Variants in OTOG observed in about 807,000 individuals in gnomAD.
OTOG encodes otogelin.
A neutral mutation model predicts 313.8 loss-of-function variants in OTOG; 296 were observed. The ratio of observed to expected loss-of-function variants is 0.94; its 90% CI spans 0.86 to 1.04. The LOEUF is 1.04. OTOG is among the 50% of genes least tolerant of loss of function. OTOG has a pLI of 0.00. For missense variants in OTOG, 3,948 were observed against 3,840.1 expected, an observed-to-expected ratio of 1.03 and a Z score of -0.74; for synonymous variants, 1,533 against 1,554.9, an observed-to-expected ratio of 0.99 and a Z score of 0.33.
Position 17,596,905 on chromosome 11 carries a change from C to A in OTOG, c.3580C>A (p.Gln1194Lys), listed in dbSNP as rs1464963076. Residue 1194 changes from glutamine to lysine, a missense_variant, in exon 30 of 56, where the codon CAG becomes AAG. Gln to Lys is a moderately conservative substitution (Grantham distance 53). Transcript: ENST00000399397. ...NCLTDTCGCS[Q>K]GGDCECFCAS... is the part of the protein sequence containing the mutation. ...CCTGACAGACACATGTGGCTGCAGC[C>A]AGGGTGGTGACTGTGAGTGCTTCTG... 1.3e-6 allele frequency: 2 copies of A among 1,550,874 alleles called. No homozygotes were observed. The highest frequency in any genetic ancestry group is 1.7e-6 in the Non-Finnish European group (2 of 1,147,080).
chr11:17,581,327 A>G (rs766903382), intron 23 of OTOG, among the ~76,000 whole-genome samples: 5 of 152,186 alleles, frequency 3.3e-5, no homozygotes, highest in Non-Finnish European at 5.9e-5. Context: ...GAGTTTCAAG[A>G]GAAACCAAAT....
intron 31 of OTOG, 113 bp from the exon 32 acceptor site, chr11:17,602,097 T>C: frequency 1.7e-6 from 2 of 1,178,886 alleles, no homozygotes; most frequent in Non-Finnish European, 2.4e-6. Context: ...CCATCAAGAG[T>C]TCCTCCTTGG....
At chr11:17,554,508 A>G (rs910720942) in intron 6 of OTOG, among the ~76,000 whole-genome samples, 1 of 152,226 alleles carries the variant, frequency 6.6e-6, no homozygotes, top group Non-Finnish European at 1.5e-5. Context: ...CCTGGAGGAA[A>G]GTCTCTTTGG....
Position 17,578,404 on chromosome 11 carries a change from G to T in OTOG, c.2637G>T (p.Val879=). 6.5e-7 allele frequency: 1 copy of T among 1,535,992 alleles called. No homozygotes were observed. The highest frequency in any genetic ancestry group is 8.7e-7 in the Non-Finnish European group (1 of 1,144,190). ...AAACPAGQVF[V]NCSDLHTDLE... is the part of the protein sequence containing the mutation. ...CCTGCCCAGCAGGCCAGGTCTTCGT[G>T]AACTGCAGCGACCTGCACACGGACC... The change falls in exon 23 of 56, where the codon GTG becomes GTT. Residue 879 remains valine (V), a synonymous_variant. Coordinates refer to ENST00000399397, the MANE Select transcript of OTOG (RefSeq NM_001292063.2).
At chr11:17,638,640 T>C in intron 48 of OTOG, 91 bp downstream of exon 48, 1 of 1,481,454 alleles carries the variant, frequency 6.8e-7, no homozygotes, top group Non-Finnish European at 9.2e-7. Context: ...CACCGTCCAC[T>C]CCTCTCAGAT....
At chr11:17,587,465 C>G (rs777335449) in intron 24 of OTOG, among the ~76,000 whole-genome samples, 1 of 152,146 alleles carries the variant, frequency 6.6e-6, no homozygotes, top group African/African-American at 2.4e-5. Flanking sequence ...GCAGGAAGCC[C>G]CTGGCACTGG....
rs952582240 is a variant in OTOG, at chr11:17,558,598, G to A, written c.1057G>A (p.Val353Ile). 30 of 1,550,290 alleles carry A rather than the reference G, an allele frequency of 1.9e-5. No homozygotes were observed. The highest frequency in any genetic ancestry group is 4.1e-5 in the African/African-American group (3 of 73,068). ...RPPFDACHAY[V>I]SPLPFTASCT... is the part of the protein sequence containing the mutation. ...CCCCTTTGACGCCTGCCACGCCTACGTCAGCCCTCTGCCCTTCACAGCCAG... is the reference window on the plus strand; with the variant it reads ...CCCCTTTGACGCCTGCCACGCCTACATCAGCCCTCTGCCCTTCACAGCCAG... The change falls in exon 10 of 56, where the codon GTC becomes ATC. Residue 353 changes from valine to isoleucine, a missense_variant. Coordinates refer to ENST00000399397, the MANE Select transcript of OTOG (RefSeq NM_001292063.2).
intron 17 of OTOG, chr11:17,570,593 C>T (rs1023791995): frequency 5.7e-5 from 29 of 513,148 alleles, no homozygotes; most frequent in African/African-American, 5.6e-4. Flanking sequence ...GGAATCACCT[C>T]AGGAGCTTGT....
rs574598255 is a variant in OTOG, at chr11:17,557,788, A to G, written c.866-397A>G. 3.1e-3 allele frequency among the ~76,000 whole-genome samples: 467 copies of G among 152,164 alleles called. 1 individual carries two copies. The highest frequency in any genetic ancestry group is 0.02 in the Middle Eastern group (6 of 294). On this transcript the variant is annotated intron_variant, in intron 8 of 55. Coordinates refer to ENST00000399397, the MANE Select transcript of OTOG (RefSeq NM_001292063.2). ...TTTGAGCACCTACACCATACTAAAC[A>G]CTTTACATGCATCATCTCAAGTAGT...
Position 17,557,305 on chromosome 11 carries a change from G to A in OTOG, c.847G>A (p.Asp283Asn). 1 of 1,549,618 alleles carries A rather than the reference G, an allele frequency of 6.5e-7. No individual in the cohort carries two copies. The highest frequency in any genetic ancestry group is 1.2e-5 in the South Asian group (1 of 84,032). Residue 283 changes from aspartate (D) to asparagine (N), a missense_variant, in exon 8 of 56, where the codon GAT becomes AAT. Asp to Asn is a conservative substitution (Grantham distance 23). Coordinates refer to ENST00000399397, the MANE Select transcript of OTOG (RefSeq NM_001292063.2). ...CGNNNADPKD[D>N]LVTSSGKLTD... ...GAACAACAATGCTGACCCCAAGGAT[G>A]ATCTGGTGACCAGCTCTGGTGAGGG...
At chr11:17,631,513 C>T (rs930537306) in intron 40 of OTOG, among the ~76,000 whole-genome samples, 189 bp from the exon 41 acceptor site, 1 of 152,048 alleles carries the variant, frequency 6.6e-6, no homozygotes, top group African/African-American at 2.4e-5. Context: ...TGTGTATTTC[C>T]TAAGTACAAA....
chr11:17,596,778 G>A (rs183182785), intron 29 of OTOG, 73 bp from the exon 30 acceptor site: 30 of 1,373,260 alleles, frequency 2.2e-5, no homozygotes, highest in Admixed American at 6.1e-5. Flanking sequence ...GGTGCTGGTC[G>A]TCATCAGCTG....
intron 19 of OTOG, 81 bp from the exon 20 acceptor site, chr11:17,574,639 C>A: frequency 1.5e-6 from 2 of 1,337,762 alleles, no homozygotes; most frequent in Non-Finnish European, 2.0e-6. Context: ...TCTCCATTCT[C>A]CTCATCAGAA....
intron 39 of OTOG, among the ~76,000 whole-genome samples, chr11:17,623,332 G>T (rs975281539): frequency 1.1e-4 from 17 of 152,018 alleles, no homozygotes; most frequent in African/African-American, 4.1e-4. Flanking sequence ...AGTATCTGTT[G>T]TTCCCCTCTA....
chr11:17,638,578 G>T (rs577633321), intron 48 of OTOG, 29 bp downstream of exon 48: 13 of 1,541,530 alleles, frequency 8.4e-6, no homozygotes, highest in African/African-American at 1.4e-5. Flanking sequence ...CAGCCTCCCC[G>T]CTGGGAGATC....
At position 17,560,833 on chromosome 11, in the gene OTOG, C is replaced by T. The variant is rs532715868; in HGVS notation, c.1451+16C>T. 91 of 1,542,424 alleles carry T rather than the reference C, an allele frequency of 5.9e-5. No homozygotes were observed. In the African/African-American group the frequency reaches 7.1e-4, roughly 12 times the overall value. On this transcript the variant is annotated intron_variant, in intron 13 of 55. Coordinates refer to ENST00000399397, the MANE Select transcript of OTOG (RefSeq NM_001292063.2). ...GCAATACTTGGTCTGTGTCTGCTGC[C>T]GGGAAGCAGGGTGTGGGGCATGGCC...
At chr11:17,638,774 C>G in intron 48 of OTOG, 1 of 1,528,456 alleles carries the variant, frequency 6.5e-7, no homozygotes, top group Non-Finnish European at 8.8e-7. Context: ...AAGCAAGTTT[C>G]CCATTCCAAA....
intron 38 of OTOG, among the ~76,000 whole-genome samples, chr11:17,613,237 T>TTCTTTCTTTC (rs1565118939): frequency 7.8e-6 from 1 of 128,134 alleles, no homozygotes; most frequent in Non-Finnish European, 1.6e-5. Context: ...CTTTCTTTCT[T>TTCTTTCTTTC]TCTTTCTTTC....
intron 39 of OTOG, among the ~76,000 whole-genome samples, chr11:17,615,359 G>A (rs1853693935): frequency 6.6e-6 from 1 of 152,106 alleles, no homozygotes; most frequent in Non-Finnish European, 1.5e-5. Flanking sequence ...TTTTGATGGT[G>A]TCCAGTTTAT....
Sources: allele counts gnomAD v4.1 joint callset (sites outside exome capture counted in the v4.1 genomes callset), GRCh38; gene constraint gnomAD v4.1.1; transcripts MANE v1.5; gene names NCBI Gene and HGNC (gene_info 2026-07-23, HGNC 2026-07-21).